PPM1D: variants seen among roughly 807,000 people sequenced by gnomAD.
PPM1D encodes protein phosphatase 1D.
In PPM1D, 52 loss-of-function variants were observed where a neutral mutation model predicts 58.3. That is an observed-to-expected ratio of 0.89 (90% CI 0.71 to 1.12). The LOEUF (loss-of-function observed/expected upper bound fraction) is 1.12, where lower values mean the gene tolerates loss of function less well. Among genes scored for constraint, PPM1D ranks in the 50% most tolerant of loss-of-function variants. PPM1D has a pLI of 0.00. For synonymous variants in PPM1D, 278 were observed against 285.1 expected, an observed-to-expected ratio of 0.98 and a Z score of 0.25; for missense variants, 564 against 777.2, an observed-to-expected ratio of 0.73 and a Z score of 3.26.
intron 3 of PPM1D, among the ~76,000 whole-genome samples, chr17:60,637,810 G>A (rs1250191182): frequency 6.6e-6 from 1 of 152,182 alleles, no homozygotes; most frequent in Admixed American, 6.6e-5. Context: ...AGAGTTAGGG[G>A]ATGTGAATGG....
chr17:60,603,729 A>G (rs965295633), intron 1 of PPM1D, among the ~76,000 whole-genome samples: 1 of 150,838 alleles, frequency 6.6e-6, no homozygotes, highest in Non-Finnish European at 1.5e-5. Context: ...GGGCCACTGC[A>G]CTCCAGCCTG....
chr17:60,645,443 A>G (rs1204975075), intron 3 of PPM1D, among the ~76,000 whole-genome samples: 1 of 142,446 alleles, frequency 7.0e-6, no homozygotes, highest in African/African-American at 2.7e-5. Context: ...CACCAAAGCA[A>G]TGTAAAATAT....
At chr17:60,608,069 T>C (rs989677028) in intron 1 of PPM1D, among the ~76,000 whole-genome samples, 1 of 152,258 alleles carries the variant, frequency 6.6e-6, no homozygotes, top group Non-Finnish European at 1.5e-5. Context: ...TCGCATTTTT[T>C]CATCATAAAG....
intron 2 of PPM1D, among the ~76,000 whole-genome samples, chr17:60,626,931 ATTTC>A (rs972535118): frequency 7.2e-5 from 11 of 151,918 alleles, no homozygotes; most frequent in Admixed American, 5.2e-4. Context: ...TTTTCTCTGT[ATTTC>A]TTTTAATATT....
intron 1 of PPM1D, among the ~76,000 whole-genome samples, chr17:60,623,154 G>C (rs1298279420): frequency 6.6e-6 from 1 of 151,986 alleles, no homozygotes; most frequent in Admixed American, 6.6e-5. Flanking sequence ...CTAAGTGGCT[G>C]GCTAAATGAT....
At position 60,600,437 on chromosome 17, in the gene PPM1D, G is replaced by C. The variant is rs1415006641; in HGVS notation, c.23G>C (p.Gly8Ala). Residue 8 changes from glycine to alanine, a missense_variant, in exon 1 of 6, where the codon GGA becomes GCA. Coordinates refer to ENST00000305921, the MANE Select transcript of PPM1D (RefSeq NM_003620.4). MAGLYSL[G>A]VSVFSDQGGR... ...GCCATGGCGGGGCTGTACTCGCTGG[G>C]AGTGAGCGTCTTCTCCGACCAGGGC... 1 of 1,556,304 alleles carries C rather than the reference G, an allele frequency of 6.4e-7. No individual in the cohort carries two copies. The highest frequency in any genetic ancestry group is 2.4e-5 in the East Asian group (1 of 41,680).
intron 1 of PPM1D, among the ~76,000 whole-genome samples, chr17:60,609,239 G>A (rs1168223870): frequency 4.0e-5 from 6 of 151,706 alleles, no homozygotes; most frequent in East Asian, 3.9e-4. Flanking sequence ...AATTACAGGC[G>A]CGCACTACCA....
intron 5 of PPM1D, among the ~76,000 whole-genome samples, chr17:60,661,838 T>C (rs1379071886): frequency 2.6e-5 from 4 of 152,196 alleles, no homozygotes; most frequent in Non-Finnish European, 5.9e-5. Flanking sequence ...AATGTTGTAA[T>C]GCTTTCCACA....
At chr17:60,659,052 TA>T (rs2031487353) in intron 5 of PPM1D, among the ~76,000 whole-genome samples, 1 of 152,238 alleles carries the variant, frequency 6.6e-6, no homozygotes, top group South Asian at 2.1e-4. Context: ...CAGGTATAGT[TA>T]TTTGTTAACC....
At chr17:60,612,331 A>G (rs2030475049) in intron 1 of PPM1D, among the ~76,000 whole-genome samples, 1 of 152,174 alleles carries the variant, frequency 6.6e-6, no homozygotes, top group Non-Finnish European at 1.5e-5. Context: ...ATGTTCTGAG[A>G]AATGTGTCTT....
At position 60,663,137 on chromosome 17, in the gene PPM1D, C is replaced by T. The variant is rs375975790; in HGVS notation, c.1403C>T (p.Ser468Leu). The T allele has an allele frequency of 6.2e-7, 1 of 1,614,118 alleles. No homozygotes were observed. Among genetic ancestry groups the T allele is most frequent in the South Asian group, 1.1e-5 (1 of 91,078 alleles). The change falls in exon 6 of 6, where the codon TCA (serine) becomes TTA (leucine). Residue 468 changes from serine to leucine, a missense_variant. Physicochemically the swap from Ser to Leu is moderately radical, Grantham distance 145 (BLOSUM62 -2). Around this residue, in one of 7 missense-constraint regions of PPM1D, gnomAD observed 261 missense variants for 270.1 expected, o/e 0.97. Coordinates refer to ENST00000305921, the MANE Select transcript of PPM1D (RefSeq NM_003620.4). Reference sequence around the variant, plus strand: ...AATGTCCAAGGTGTAGTCATACCCTCAAAAGATCCAGAACCACTTGAAGAA... The same window carrying T: ...AATGTCCAAGGTGTAGTCATACCCTTAAAAGATCCAGAACCACTTGAAGAA... ...RENVQGVVIP[S>L]KDPEPLEENC...
intron 1 of PPM1D, among the ~76,000 whole-genome samples, chr17:60,606,861 A>G (rs1206344038): frequency 2.0e-5 from 3 of 152,108 alleles, no homozygotes; most frequent in Admixed American, 6.5e-5. Flanking sequence ...TAATGGCATG[A>G]TCAAAGGTCC....
At chr17:60,622,063 G>A (rs1224404479) in intron 1 of PPM1D, among the ~76,000 whole-genome samples, 3 of 150,824 alleles carry the variant, frequency 2.0e-5, no homozygotes, top group Admixed American at 2.0e-4. Context: ...GGTGGCAGGC[G>A]CCTGTAGTCC....
intron 5 of PPM1D, among the ~76,000 whole-genome samples, chr17:60,660,369 G>A (rs906957173): frequency 5.3e-5 from 8 of 152,016 alleles, no homozygotes; most frequent in African/African-American, 1.9e-4. Flanking sequence ...ACAGAGAAGT[G>A]ATGTATTTGG....
chr17:60,615,085 A>G (rs1380479670), intron 1 of PPM1D, among the ~76,000 whole-genome samples: 4 of 152,304 alleles, frequency 2.6e-5, no homozygotes, highest in East Asian at 3.9e-4. Flanking sequence ...TATGACATGC[A>G]TATTTTCTTG....
rs2031575120 is a variant in PPM1D at position 60,663,813 on chromosome 17, AGAGTCTC to A, written c.*262_*268del. On this transcript the variant is annotated 3_prime_UTR_variant, in exon 6 of 6. Transcript: ENST00000305921. ...TTCAGTCTCTGAATACACAGTATTC[AGAGTCTC>A]TGATACACAGTAATTGTGACAATAG... The A allele has an allele frequency of 3.0e-5, 12 of 402,598 alleles. No individual in the cohort carries two copies. Among genetic ancestry groups the A allele is most frequent in the Non-Finnish European group, 5.0e-5 (11 of 221,128 alleles). The allele number at this position is 402,598 out of a possible 1,614,324, so 24.9% of individuals were successfully genotyped here.
chr17:60,640,292 C>T (rs991983853), intron 3 of PPM1D, among the ~76,000 whole-genome samples: 2 of 152,106 alleles, frequency 1.3e-5, no homozygotes, highest in African/African-American at 4.8e-5. Context: ...GGCAACAGAG[C>T]AAGACCCTGT....
chr17:60,652,118 T>G (rs1411832266), intron 4 of PPM1D, among the ~76,000 whole-genome samples: 1 of 152,212 alleles, frequency 6.6e-6, no homozygotes, highest in Admixed American at 6.5e-5. Context: ...TCCATTTATA[T>G]TCTTTTTTTC....
chr17:60,632,693 A>C (rs1009598884), intron 2 of PPM1D, among the ~76,000 whole-genome samples: 1 of 151,310 alleles, frequency 6.6e-6, no homozygotes, highest in African/African-American at 2.4e-5. Context: ...CTCCTCAAAA[A>C]AGAAAAAATT....
Sources: gnomAD v4.1 joint callset for allele counts (sites outside exome capture counted in the v4.1 genomes callset) on GRCh38, gnomAD v4.1.1 for gene constraint, gnomAD v4.1.1 regional missense constraint, MANE v1.5 for transcripts, NCBI Gene and HGNC (gene_info 2026-07-23, HGNC 2026-07-21) for gene names.